Variants in IQGAP2 observed in about 807,000 individuals in gnomAD.
IQGAP2 encodes ras GTPase-activating-like protein IQGAP2.
Under a neutral mutation model 201.3 loss-of-function variants are expected in IQGAP2, and 173 were observed. The ratio of observed to expected loss-of-function variants is 0.86; its 90% CI spans 0.76 to 0.98. The LOEUF is 0.98. Among genes scored for constraint, IQGAP2 ranks in the 50% least tolerant of loss-of-function variants. The pLI is 0.00. For synonymous variants in IQGAP2, 675 were observed against 673.9 expected (o/e 1.00, Z -0.03); for missense variants, 1,687 against 1,864.8 (o/e 0.90, Z 1.76).
intron 13 of IQGAP2, among the ~76,000 whole-genome samples, chr5:76,620,923 A>G (rs891117365): frequency 1.3e-5 from 2 of 152,188 alleles, no homozygotes; most frequent in African/African-American, 2.4e-5. Context: ...CAAAAACAAA[A>G]TCTTAAAGCT....
chr5:76,514,262 G>A (rs1359364763), intron 2 of IQGAP2, among the ~76,000 whole-genome samples: 1 of 151,860 alleles, frequency 6.6e-6, no homozygotes, highest in Non-Finnish European at 1.5e-5. Context: ...GACCTCAAGT[G>A]ATCTACTCAC....
At chr5:76,458,875 T>C (rs997081902) in intron 1 of IQGAP2, among the ~76,000 whole-genome samples, 9 of 152,174 alleles carry the variant, frequency 5.9e-5, no homozygotes, top group Non-Finnish European at 8.8e-5. Context: ...GATATTTTAT[T>C]TTTTCATCAT....
chr5:76,630,370 A>G (rs1750597491), intron 14 of IQGAP2, among the ~76,000 whole-genome samples: 1 of 152,182 alleles, frequency 6.6e-6, no homozygotes, highest in Non-Finnish European at 1.5e-5. Flanking sequence ...TTAAGCACCT[A>G]CTTTATACCA....
At chr5:76,589,847 T>G (rs1561488559) in intron 7 of IQGAP2, 119 bp downstream of exon 7, 2 of 505,144 alleles carry the variant, frequency 4.0e-6, no homozygotes. Flanking sequence ...CTAAAAGTTT[T>G]TATTATTTGT....
chr5:76,408,277 A>G (rs1280874622), intron 1 of IQGAP2, among the ~76,000 whole-genome samples: 1 of 152,250 alleles, frequency 6.6e-6, no homozygotes, highest in Admixed American at 6.5e-5. Context: ...TAAGTCCTAC[A>G]GGGCAGGCAG....
At chr5:76,649,555 A>G (rs1207977818) in intron 17 of IQGAP2, among the ~76,000 whole-genome samples, 7 of 152,220 alleles carry the variant, frequency 4.6e-5, no homozygotes, top group Non-Finnish European at 8.8e-5. Context: ...TAAAGTTGAC[A>G]GTTGAAGTGC....
intron 10 of IQGAP2, among the ~76,000 whole-genome samples, chr5:76,600,108 A>G (rs1415091878): frequency 1.3e-5 from 2 of 152,130 alleles, no homozygotes; most frequent in Non-Finnish European, 1.5e-5. Context: ...AGATCGTGCC[A>G]TTGCACCCCA....
chr5:76,649,444 AG>A (rs896682644), intron 17 of IQGAP2, among the ~76,000 whole-genome samples: 19 of 152,250 alleles, frequency 1.2e-4, no homozygotes, highest in African/African-American at 4.6e-4. Context: ...CTAAACCAAA[AG>A]GAAATGAAGA....
In IQGAP2 at chr5:76,499,870, C is replaced by T. The variant is rs1293464463; in HGVS notation, c.146+38201C>T. On this transcript the variant is annotated intron_variant, in intron 2 of 35. Transcript: ENST00000274364. ...CCTGTGATCCCAACACTTTGGGAGG[C>T]CAAGGCAAGAGGATTGCTTGAGCCC... Among the ~76,000 whole-genome samples, 9 of 152,160 alleles carry T rather than the reference C, an allele frequency of 5.9e-5. No homozygotes were observed. In the South Asian group the frequency reaches 1.2e-3, roughly 21 times the overall value.
chr5:76,434,371 G>C (rs1040123581), intron 1 of IQGAP2, among the ~76,000 whole-genome samples: 10 of 151,910 alleles, frequency 6.6e-5, no homozygotes, highest in Non-Finnish European at 1.5e-4. Flanking sequence ...AGTCTCCAAA[G>C]TCCATTATGC....
intron 11 of IQGAP2, among the ~76,000 whole-genome samples, chr5:76,602,580 T>A (rs1312933710): frequency 6.8e-6 from 1 of 146,714 alleles, no homozygotes; most frequent in East Asian, 1.9e-4. Flanking sequence ...TAAAATGTTT[T>A]GATTTTTTTT....
chr5:76,680,879 T>C (rs937579918), intron 28 of IQGAP2, among the ~76,000 whole-genome samples: 5 of 146,332 alleles, frequency 3.4e-5, no homozygotes, highest in African/African-American at 1.3e-4. Flanking sequence ...CTGAAGCAGG[T>C]GGATCACTTG....
intron 28 of IQGAP2, 158 bp downstream of exon 28, chr5:76,677,508 T>C (rs2150500608): frequency 2.0e-6 from 1 of 508,146 alleles, no homozygotes; most frequent in Non-Finnish European, 3.2e-6. Flanking sequence ...ATGACTCTTA[T>C]ACATTAATAA....
chr5:76,457,940 T>A (rs1401439629), intron 1 of IQGAP2, among the ~76,000 whole-genome samples: 3 of 152,246 alleles, frequency 2.0e-5, no homozygotes, highest in African/African-American at 7.2e-5. Flanking sequence ...CCTCATGTTT[T>A]TTGTGGTTCA....
At chr5:76,517,803 A>G (rs1758431345) in intron 2 of IQGAP2, among the ~76,000 whole-genome samples, 1 of 152,132 alleles carries the variant, frequency 6.6e-6, no homozygotes, top group Non-Finnish European at 1.5e-5. Context: ...GTAAGGGTTA[A>G]ATGAAAACCT....
chr5:76,638,118 T>A (rs548320266), intron 16 of IQGAP2, among the ~76,000 whole-genome samples: 3 of 152,364 alleles, frequency 2.0e-5, no homozygotes, highest in African/African-American at 7.2e-5. Flanking sequence ...AGGACATTTG[T>A]TAGTTTTTGT....
At chr5:76,663,623 T>C (rs1400505420) in intron 21 of IQGAP2, among the ~76,000 whole-genome samples, 1 of 152,254 alleles carries the variant, frequency 6.6e-6, no homozygotes, top group Non-Finnish European at 1.5e-5. Context: ...TAATAAAAGA[T>C]GGAAAATGTA....
At chr5:76,495,583 A>G (rs1756844933) in intron 2 of IQGAP2, among the ~76,000 whole-genome samples, 1 of 152,208 alleles carries the variant, frequency 6.6e-6, no homozygotes, top group East Asian at 1.9e-4. Context: ...TTGAGTCACT[A>G]TAAAGAAATA....
intron 27 of IQGAP2, among the ~76,000 whole-genome samples, chr5:76,675,760 A>G (rs1294640553): frequency 6.6e-6 from 1 of 152,156 alleles, no homozygotes; most frequent in African/African-American, 2.4e-5. Flanking sequence ...GTTCATGATT[A>G]TTCATTTCTA....
Sources: gnomAD v4.1 joint callset for allele counts (sites outside exome capture counted in the v4.1 genomes callset) on GRCh38, gnomAD v4.1.1 for gene constraint, MANE v1.5 for transcripts, NCBI Gene and HGNC (gene_info 2026-07-23, HGNC 2026-07-21) for gene names.